Variants in SCFD2 observed in about 807,000 individuals in gnomAD.
SCFD2 encodes the protein sec1 family domain-containing protein 2.
In SCFD2, 54 loss-of-function variants were observed where a neutral mutation model predicts 58.9. That is an observed-to-expected ratio of 0.92 (90% CI 0.74 to 1.15). The LOEUF (loss-of-function observed/expected upper bound fraction) is 1.15. Ranked by LOEUF, SCFD2 falls within the 50% of genes most tolerant of loss-of-function variation. The pLI is 0.00. For missense variants in SCFD2, 805 were observed against 836.6 expected, an observed-to-expected ratio of 0.96 and a Z score of 0.47; for synonymous variants, 321 against 335.9, an observed-to-expected ratio of 0.96 and a Z score of 0.49.
chr4:53,100,617 C>G (rs1724806631), intron 5 of SCFD2, among the ~76,000 whole-genome samples: 1 of 152,100 alleles, frequency 6.6e-6, no homozygotes, highest in Admixed American at 6.6e-5. Context: ...ACTATTCCAA[C>G]AAAGCGTACT....
chr4:53,266,495 A>G (rs1031261747), intron 4 of SCFD2, among the ~76,000 whole-genome samples: 1 of 152,164 alleles, frequency 6.6e-6, no homozygotes, highest in Admixed American at 6.5e-5. Context: ...CAATAACACT[A>G]TGAGGTAGAT....
chr4:53,266,413 A>T (rs1249357609), intron 4 of SCFD2, among the ~76,000 whole-genome samples: 1 of 152,180 alleles, frequency 6.6e-6, no homozygotes, highest in Non-Finnish European at 1.5e-5. Flanking sequence ...ATTCTTAGCT[A>T]TGTATTATGT....
intron 1 of SCFD2, among the ~76,000 whole-genome samples, chr4:53,357,230 T>C (rs1734426686): frequency 6.6e-6 from 1 of 152,038 alleles, no homozygotes; most frequent in African/African-American, 2.4e-5. Flanking sequence ...AAGACCAGTC[T>C]GGCCAACATG....
intron 4 of SCFD2, among the ~76,000 whole-genome samples, chr4:53,152,904 C>T (rs1391407931): frequency 6.6e-6 from 1 of 152,036 alleles, no homozygotes; most frequent in Non-Finnish European, 1.5e-5. Flanking sequence ...CCTTAATGCT[C>T]CAAAAAAAAA....
intron 4 of SCFD2, among the ~76,000 whole-genome samples, chr4:53,227,841 T>C (rs1050781434): frequency 6.6e-6 from 1 of 152,226 alleles, no homozygotes; most frequent in Non-Finnish European, 1.5e-5. Flanking sequence ...GATAAATGTA[T>C]GTACAGATGA....
rs74762291 is a variant in SCFD2, at chr4:53,279,006, G to T, written c.1136-5005C>A. On this transcript the variant is annotated intron_variant, in intron 3 of 8. Transcript: ENST00000401642. ...AAATGCTGCAGTAAGACTAACCACT[G>T]AAGTAAAATTTCTTAGTTTATATAA... Among the ~76,000 whole-genome samples the T allele has an allele frequency of 4.7e-3, 714 of 151,794 alleles. 4 individuals carry two copies. The highest frequency in any genetic ancestry group is 0.016 in the African/African-American group (666 of 41,382).
At chr4:53,049,110 A>G (rs1723120805) in intron 5 of SCFD2, among the ~76,000 whole-genome samples, 1 of 152,208 alleles carries the variant, frequency 6.6e-6, no homozygotes, top group Admixed American at 6.5e-5. Flanking sequence ...AACCCAGTTC[A>G]GTTTAACACA....
chr4:53,081,228 A>T (rs528039594), intron 5 of SCFD2, among the ~76,000 whole-genome samples: 1 of 152,142 alleles, frequency 6.6e-6, no homozygotes, highest in Non-Finnish European at 1.5e-5. Flanking sequence ...TGCTGTCATA[A>T]ACAACTCATC....
chr4:52,941,264 G>A (rs1428982626), intron 5 of SCFD2, among the ~76,000 whole-genome samples: 1 of 152,152 alleles, frequency 6.6e-6, no homozygotes, highest in Non-Finnish European at 1.5e-5. Context: ...CCTGTTTCAT[G>A]GCTCTTATAT....
At chr4:53,165,372 GA>G (rs1322148327) in intron 4 of SCFD2, among the ~76,000 whole-genome samples, 1 of 152,056 alleles carries the variant, frequency 6.6e-6, no homozygotes, top group African/African-American at 2.4e-5. Flanking sequence ...TATAATTAAT[GA>G]AAAACAAACA....
At chr4:53,089,052 T>C (rs942232844) in intron 5 of SCFD2, among the ~76,000 whole-genome samples, 14 of 152,118 alleles carry the variant, frequency 9.2e-5, no homozygotes, top group African/African-American at 3.4e-4. Flanking sequence ...TCTGTGAACC[T>C]GGAAGAAGGC....
chr4:52,976,787 A>T (rs1721269003), intron 5 of SCFD2, among the ~76,000 whole-genome samples: 1 of 152,154 alleles, frequency 6.6e-6, no homozygotes, highest in East Asian at 1.9e-4. Flanking sequence ...CAGCTTTTTT[A>T]TTCACTCATA....
At chr4:53,155,661 T>C (rs1726656836) in intron 4 of SCFD2, among the ~76,000 whole-genome samples, 1 of 152,174 alleles carries the variant, frequency 6.6e-6, no homozygotes, top group African/African-American at 2.4e-5. Context: ...TCTTCAGGGA[T>C]GTGATAGAGA....
At chr4:52,973,919 A>G (rs1721179467) in intron 5 of SCFD2, among the ~76,000 whole-genome samples, 1 of 152,242 alleles carries the variant, frequency 6.6e-6, no homozygotes, top group Admixed American at 6.5e-5. Flanking sequence ...AACAAAAACC[A>G]TATGGTTATC....
chr4:53,096,287 C>T (rs922467123), intron 5 of SCFD2, among the ~76,000 whole-genome samples: 3 of 152,298 alleles, frequency 2.0e-5, no homozygotes, highest in Non-Finnish European at 4.4e-5. Flanking sequence ...CTTGAGGAAT[C>T]GCCATGCTGT....
chr4:53,323,956 A>G (rs1733102955), intron 2 of SCFD2, among the ~76,000 whole-genome samples: 1 of 152,098 alleles, frequency 6.6e-6, no homozygotes, highest in Admixed American at 6.6e-5. Context: ...AGGAGACAGG[A>G]ATTCCTATTA....
At chr4:53,018,739 A>G (rs756830829) in intron 5 of SCFD2, among the ~76,000 whole-genome samples, 81 of 152,310 alleles carry the variant, frequency 5.3e-4, no homozygotes, top group Middle Eastern at 3.4e-3. Context: ...ACATCTAAAT[A>G]TAACAAAACT....
chr4:52,962,870 T>C (rs867847535), intron 5 of SCFD2, among the ~76,000 whole-genome samples: 2 of 152,206 alleles, frequency 1.3e-5, no homozygotes, highest in Non-Finnish European at 1.5e-5. Flanking sequence ...TATTTTACTA[T>C]CATGGTCATT....
chr4:53,075,283 C>T (rs1415047835), intron 5 of SCFD2, among the ~76,000 whole-genome samples: 1 of 152,178 alleles, frequency 6.6e-6, no homozygotes, highest in Non-Finnish European at 1.5e-5. Context: ...CTTGCTCTGG[C>T]TTAAGCTTTG....
Sources: allele counts gnomAD v4.1 joint callset (sites outside exome capture counted in the v4.1 genomes callset), GRCh38; gene constraint gnomAD v4.1.1; transcripts MANE v1.5; gene names NCBI Gene and HGNC (gene_info 2026-07-23, HGNC 2026-07-21).